RAD51C: variants seen among roughly 807,000 people sequenced by gnomAD.
RAD51C encodes DNA repair protein RAD51 homolog 3.
Under a neutral mutation model 45.0 loss-of-function variants are expected in RAD51C, and 42 were observed. The observed-to-expected ratio is 0.93, with a 90% confidence interval of 0.73 to 1.21. RAD51C has a LOEUF of 1.21. RAD51C is among the 50% of genes most tolerant of loss of function. The pLI is 0.00. For synonymous variants in RAD51C, 172 were observed against 159.8 expected (o/e 1.08, Z -0.58); for missense variants, 474 against 452.2 (o/e 1.05, Z -0.44).
intron 7 of RAD51C, among the ~76,000 whole-genome samples, chr17:58,725,191 C>G (rs1481604357): frequency 6.6e-6 from 1 of 152,154 alleles, no homozygotes; most frequent in Non-Finnish European, 1.5e-5. Context: ...TTACTCTAAA[C>G]CAGTATGACT....
chr17:58,714,778 T>C (rs2048675061), intron 5 of RAD51C, among the ~76,000 whole-genome samples: 1 of 152,186 alleles, frequency 6.6e-6, no homozygotes, highest in Admixed American at 6.6e-5. Context: ...TTTTAAATCT[T>C]TGCCAAATTG....
chr17:58,731,303 A>G (rs1167440053), intron 7 of RAD51C, among the ~76,000 whole-genome samples: 1 of 139,182 alleles, frequency 7.2e-6, no homozygotes, highest in Non-Finnish European at 1.5e-5. Context: ...TTTTTTGCCC[A>G]GGCTGGAGTG....
rs190089924 is a variant in RAD51C at position 58,706,225 on chromosome 17, G to A, written c.705+2896G>A. 1.1e-3 allele frequency among the ~76,000 whole-genome samples: 161 copies of A among 152,050 alleles called. 1 individual carries two copies. The highest frequency in any genetic ancestry group is 3.7e-3 in the African/African-American group (152 of 41,488). On this transcript the variant is annotated intron_variant, in intron 4 of 8. Coordinates refer to ENST00000337432, the MANE Select transcript of RAD51C (RefSeq NM_058216.3). ...AGGCAGATCACGAAGTCAGGAGTTT[G>A]AGACCACCCTGGCCAATATGGTGAA...
At chr17:58,709,174 G>T (rs1567798842) in intron 4 of RAD51C, among the ~76,000 whole-genome samples, 1 of 149,668 alleles carries the variant, frequency 6.7e-6, no homozygotes, top group Admixed American at 6.7e-5. Context: ...TGCCACCAGG[G>T]TTCAAGAGAT....
intron 4 of RAD51C, 72 bp from the exon 5 acceptor site, chr17:58,709,785 GGA>G (rs1598483975): frequency 5.8e-6 from 8 of 1,383,976 alleles, no homozygotes; most frequent in Non-Finnish European, 7.1e-6. Context: ...CTGCTCTCTT[GGA>G]GAGAGAGAGC....
At position 58,724,983 on chromosome 17, in the gene RAD51C, G is replaced by A. The variant is rs564468036; in HGVS notation, c.965+883G>A. Among the ~76,000 whole-genome samples the A allele has an allele frequency of 1.2e-3, 179 of 152,216 alleles. 1 individual carries two copies. Among genetic ancestry groups the A allele is most frequent in the African/African-American group, 4.1e-3 (170 of 41,528 alleles). ...TGTTCTACAAACTGAAAAAAATCCT[G>A]CCTGACCAAGTTAGGTTTTACGGAC... On this transcript the variant is annotated intron_variant, in intron 7 of 8. Transcript: ENST00000337432.
intron 5 of RAD51C, among the ~76,000 whole-genome samples, chr17:58,718,203 G>C (rs539737937): frequency 6.6e-6 from 1 of 152,180 alleles, no homozygotes; most frequent in South Asian, 2.1e-4. Flanking sequence ...TCGCCATGTT[G>C]GCCTGGCTGG....
intron 5 of RAD51C, among the ~76,000 whole-genome samples, chr17:58,719,788 G>A (rs1319216525): frequency 8.9e-5 from 13 of 146,498 alleles, no homozygotes. Flanking sequence ...GAGTGCAGTA[G>A]CGCTATCTCA....
At chr17:58,694,867 G>C (rs1260654371) in intron 1 of RAD51C, 64 bp from the exon 2 acceptor site, 2 of 1,374,750 alleles carry the variant, frequency 1.5e-6, no homozygotes, top group Non-Finnish European at 2.1e-6. Context: ...AAAGACAATC[G>C]ATTATCATGT....
intron 7 of RAD51C, among the ~76,000 whole-genome samples, chr17:58,725,603 C>T (rs2049090487): frequency 6.6e-6 from 1 of 152,120 alleles, no homozygotes; most frequent in African/African-American, 2.4e-5. Flanking sequence ...TAGAAGTTAG[C>T]ATTGATAAGT....
intron 5 of RAD51C, among the ~76,000 whole-genome samples, chr17:58,710,769 C>T (rs2048531858): frequency 6.6e-6 from 1 of 152,008 alleles, no homozygotes; most frequent in Non-Finnish European, 1.5e-5. Flanking sequence ...AAGTAAATAT[C>T]GGCTCAGAAG....
intron 4 of RAD51C, among the ~76,000 whole-genome samples, chr17:58,709,241 G>A (rs761270722): frequency 6.6e-6 from 1 of 151,674 alleles, no homozygotes; most frequent in Non-Finnish European, 1.5e-5. Context: ...ACTGTGCCTG[G>A]CTAATTTTTG....
At chr17:58,733,635 A>T (rs2049533117) in intron 8 of RAD51C, among the ~76,000 whole-genome samples, 1 of 152,342 alleles carries the variant, frequency 6.6e-6, no homozygotes, top group Non-Finnish European at 1.5e-5. Context: ...TATATATAAA[A>T]TACTCTTAAT....
chr17:58,717,385 G>A (rs1375812391), intron 5 of RAD51C, among the ~76,000 whole-genome samples: 1 of 152,112 alleles, frequency 6.6e-6, no homozygotes, highest in Non-Finnish European at 1.5e-5. Context: ...AGCTATGATT[G>A]TGTCATTGCC....
chr17:58,713,221 T>C (rs2048619169), intron 5 of RAD51C, among the ~76,000 whole-genome samples: 1 of 152,204 alleles, frequency 6.6e-6, no homozygotes, highest in African/African-American at 2.4e-5. Context: ...TGAACATCTT[T>C]CCATGTATAC....
chr17:58,708,708 G>C (rs936759286), intron 4 of RAD51C, among the ~76,000 whole-genome samples: 2 of 151,616 alleles, frequency 1.3e-5, no homozygotes, highest in African/African-American at 4.8e-5. Context: ...CTTTGGGGGG[G>C]GCTTTCTTTT....
intron 5 of RAD51C, among the ~76,000 whole-genome samples, chr17:58,720,534 G>A (rs557145390): frequency 1.3e-5 from 2 of 152,122 alleles, no homozygotes; most frequent in Admixed American, 6.6e-5. Context: ...GAAGTGGCAC[G>A]CTCTTGGCTC....
At chr17:58,702,902 G>C (rs879683239) in intron 3 of RAD51C, among the ~76,000 whole-genome samples, 1 of 151,988 alleles carries the variant, frequency 6.6e-6, no homozygotes, top group Non-Finnish European at 1.5e-5. Context: ...GGGCGGCGAC[G>C]GATAGCATTA....
intron 7 of RAD51C, chr17:58,732,259 A>T (rs2049457689): frequency 2.3e-6 from 1 of 442,034 alleles, no homozygotes; most frequent in African/African-American, 2.0e-5. Flanking sequence ...TGAATCAGTC[A>T]TTGGACTTTT....
Sources: gnomAD v4.1 joint callset for allele counts (sites outside exome capture counted in the v4.1 genomes callset) on GRCh38, gnomAD v4.1.1 for gene constraint, MANE v1.5 for transcripts, NCBI Gene and HGNC (gene_info 2026-07-23, HGNC 2026-07-21) for gene names.